The following WDHD1 variants were observed in gnomAD, a reference collection of about 807,000 sequenced individuals.
WDHD1 encodes the protein WD repeat and HMG-box DNA binding protein 1.
Under a neutral mutation model 135.4 loss-of-function variants are expected in WDHD1, and 111 were observed. The observed-to-expected ratio is 0.82, with a 90% CI of 0.70 to 0.96. The LOEUF (loss-of-function observed/expected upper bound fraction) is 0.96. Among genes scored for constraint, WDHD1 ranks in the 40% least tolerant of loss-of-function variants. WDHD1 has a pLI of 0.00. For missense variants in WDHD1, 1,351 were observed against 1,336.3 expected (o/e 1.01, Z -0.17); for synonymous variants, 434 against 439.0 (o/e 0.99, Z 0.14).
chr14:54,979,786 G>C (rs1250407404), intron 16 of WDHD1, among the ~76,000 whole-genome samples: 2 of 152,170 alleles, frequency 1.3e-5, no homozygotes. Flanking sequence ...CTCTCCGTGA[G>C]GTAACTATTA....
intron 16 of WDHD1, among the ~76,000 whole-genome samples, chr14:54,974,048 G>T (rs897969786): frequency 3.3e-5 from 5 of 151,438 alleles, no homozygotes; most frequent in African/African-American, 1.2e-4. Context: ...TGACGACGGA[G>T]TTTCCTGGAA....
chr14:55,013,212 A>G lies in WDHD1; in HGVS notation c.189+273T>C, dbSNP rs527463989. ...CCCGTTTCAAAAAAAAAAAAAAAAAAAAAAAATTGGTGGGGCAAGTTATGG... is the reference window on the plus strand; with the variant it reads ...CCCGTTTCAAAAAAAAAAAAAAAAAGAAAAAATTGGTGGGGCAAGTTATGG... On this transcript the variant is annotated intron_variant, in intron 3 of 25. Transcript: ENST00000360586. 6.1e-5 allele frequency among the ~76,000 whole-genome samples: 9 copies of G among 148,354 alleles called. No homozygotes were observed. In the East Asian group the frequency reaches 1.7e-3, roughly 29 times the overall value.
rs139751226 is a variant in WDHD1 at position 54,963,078 on chromosome 14, C to A, written c.2405G>T (p.Arg802Leu). 2.5e-6 allele frequency: 4 copies of A among 1,605,782 alleles called. No individual in the cohort carries two copies. Residue 802 changes from arginine (R) to leucine (L), a missense_variant, in exon 19 of 26, where the codon CGC becomes CTC. By Grantham distance (102) the Arg-to-Leu change is moderately radical. Coordinates refer to ENST00000360586, the MANE Select transcript of WDHD1 (RefSeq NM_007086.4). Reference sequence around the variant, plus strand: ...TTGAGCCAGTATTAATTTCCGAGAGCGAGAAGCATATTTAATGGCTAAATT... The same window carrying A: ...TTGAGCCAGTATTAATTTCCGAGAGAGAGAAGCATATTTAATGGCTAAATT... ...AVNLAIKYAS[R>L]SRKLILAQKL...
At chr14:54,986,436 G>A (rs2041695754) in intron 14 of WDHD1, among the ~76,000 whole-genome samples, 1 of 152,104 alleles carries the variant, frequency 6.6e-6, no homozygotes, top group Admixed American at 6.6e-5. Flanking sequence ...CCAAAGTGCT[G>A]AGATTACAGG....
At chr14:55,007,852 C>T (rs995612301) in intron 6 of WDHD1, among the ~76,000 whole-genome samples, 4 of 152,168 alleles carry the variant, frequency 2.6e-5, no homozygotes, top group African/African-American at 9.7e-5. Flanking sequence ...TCTTGGATTG[C>T]CTTGGGCAGA....
intron 7 of WDHD1, chr14:55,005,520 T>C: frequency 1.7e-6 from 1 of 571,444 alleles, no homozygotes; most frequent in Non-Finnish European, 3.4e-6. Context: ...AGGAGAAGCT[T>C]CTCCCAGGTC....
chr14:55,021,356 T>A (rs994259637), intron 2 of WDHD1, among the ~76,000 whole-genome samples: 1 of 152,200 alleles, frequency 6.6e-6, no homozygotes, highest in Non-Finnish European at 1.5e-5. Context: ...AGAACTCATT[T>A]CTATCAAATT....
rs142579153 is a variant in WDHD1, at chr14:54,956,592, C to T, written c.2916+442G>A. On this transcript the variant is annotated intron_variant, in intron 23 of 25. Coordinates refer to ENST00000360586, the MANE Select transcript of WDHD1 (RefSeq NM_007086.4). ...GACAGAGGCTGCAGTGAGCTGAGAT[C>T]CTGACACTGCACTCCATCCAGCCTG... Among the ~76,000 whole-genome samples the T allele has an allele frequency of 3.2e-3, 483 of 152,222 alleles. 3 individuals carry two copies. The highest frequency in any genetic ancestry group is 0.011 in the African/African-American group (456 of 41,542).
At chr14:55,014,448 T>C (rs1179705937) in intron 2 of WDHD1, among the ~76,000 whole-genome samples, 1 of 152,162 alleles carries the variant, frequency 6.6e-6, no homozygotes, top group Non-Finnish European at 1.5e-5. Flanking sequence ...TCTGCAACAA[T>C]AAAATAGGGA....
chr14:54,984,357 T>TA (rs992144536), intron 15 of WDHD1, among the ~76,000 whole-genome samples: 22 of 152,248 alleles, frequency 1.4e-4, no homozygotes, highest in African/African-American at 4.8e-4. Flanking sequence ...TAGCTAGGCA[T>TA]GGTGGCACAT....
In WDHD1 at chr14:54,941,676, T is replaced by C. The variant is rs2040841233; in HGVS notation, c.3204A>G (p.Lys1068=). Residue 1068 remains lysine, a synonymous_variant, in exon 26 of 26, where the codon AAA becomes AAG. Transcript: ENST00000360586. ...CTTCACTTGCCGTTTCTCCTTTGGCTTTGTTAGCCCACACCTTTGTAAAAT... is the reference window on the plus strand; with the variant it reads ...CTTCACTTGCCGTTTCTCCTTTGGCCTTGTTAGCCCACACCTTTGTAAAAT... ...STEERKVWAN[K]AKGETASEGT... The C allele has an allele frequency of 6.2e-7, 1 of 1,613,470 alleles. No homozygotes were observed. Among genetic ancestry groups the C allele is most frequent in the South Asian group, 1.1e-5 (1 of 90,854 alleles).
chr14:55,021,407 CT>C (rs775469379), intron 2 of WDHD1, among the ~76,000 whole-genome samples: 396 of 142,678 alleles, frequency 2.8e-3, no homozygotes, highest in Middle Eastern at 7.2e-3. Flanking sequence ...ATTAGCGTTC[CT>C]TTTTTTTTTT....
intron 10 of WDHD1, among the ~76,000 whole-genome samples, chr14:54,996,819 G>A (rs2041887534): frequency 6.6e-6 from 1 of 152,078 alleles, no homozygotes; most frequent in East Asian, 1.9e-4. Context: ...ACAGAGTGGA[G>A]TCTCGCTCTG....
Position 55,002,073 on chromosome 14 carries a change from T to C in WDHD1, c.693+20A>G, listed in dbSNP as rs777999647. The C allele has an allele frequency of 1.0e-5, 16 of 1,549,518 alleles. No homozygotes were observed. Among genetic ancestry groups the C allele is most frequent in the Non-Finnish European group, 1.4e-5 (16 of 1,129,918 alleles). On this transcript the variant is annotated intron_variant, in intron 8 of 25. Transcript: ENST00000360586. Reference sequence around the variant, plus strand: ...ACTGCTCCTTATAGCCCACTGAAAGTGTCACTTTGTAAAACCTACCTGAGA... The same window carrying C: ...ACTGCTCCTTATAGCCCACTGAAAGCGTCACTTTGTAAAACCTACCTGAGA...
chr14:54,995,366 T>C (rs904259354), intron 11 of WDHD1, among the ~76,000 whole-genome samples: 4 of 104,014 alleles, frequency 3.8e-5, no homozygotes, highest in Non-Finnish European at 8.3e-5. Context: ...AATTTTGCTC[T>C]GTATTATTTC....
chr14:54,959,679 G>C (rs2041217740), intron 21 of WDHD1, among the ~76,000 whole-genome samples: 1 of 151,930 alleles, frequency 6.6e-6, no homozygotes, highest in Non-Finnish European at 1.5e-5. Context: ...GAGGCAGGAG[G>C]ATCACCTGAG....
chr14:54,977,493 T>C (rs956369729), intron 16 of WDHD1, among the ~76,000 whole-genome samples: 3 of 152,102 alleles, frequency 2.0e-5, no homozygotes, highest in Non-Finnish European at 4.4e-5. Flanking sequence ...TCGAGGTTAG[T>C]TCAAGAAAAG....
rs536438483 is a variant in WDHD1 at position 55,013,416 on chromosome 14, T to C, written c.189+69A>G. 13 of 1,067,450 alleles carry C rather than the reference T, an allele frequency of 1.2e-5. No homozygotes were observed. The East Asian group carries it at 2.7e-4, about 22-fold the overall frequency. The allele number at this position is 1,067,450 out of a possible 1,614,324, so 66.1% of individuals were successfully genotyped here. A position where few individuals can be genotyped will look rare whatever the true frequency, so the allele number is the denominator to read the frequency against. ...AGGTATATCTATATTCAAAAATATT[T>C]TTTCACTCAAGCATAAAAATCACAT... On this transcript the variant is annotated intron_variant, in intron 3 of 25. Transcript: ENST00000360586.
chr14:54,950,507 T>C (rs1431052752), intron 24 of WDHD1, among the ~76,000 whole-genome samples: 1 of 152,038 alleles, frequency 6.6e-6, no homozygotes, highest in Non-Finnish European at 1.5e-5. Context: ...ACCAAGTCCT[T>C]AGAGACCTAC....
Sources: gnomAD v4.1 joint callset for allele counts (sites outside exome capture counted in the v4.1 genomes callset) on GRCh38, gnomAD v4.1.1 for gene constraint, MANE v1.5 for transcripts, NCBI Gene and HGNC (gene_info 2026-07-23, HGNC 2026-07-21) for gene names.